The following EGF variants were observed in gnomAD, a reference collection of about 807,000 sequenced individuals.
EGF encodes the protein pro-epidermal growth factor.
In EGF, 95 loss-of-function variants were observed where a neutral mutation model predicts 143.8. The observed-to-expected ratio is 0.66, with a 90% CI of 0.56 to 0.78. The LOEUF (loss-of-function observed/expected upper bound fraction) is 0.78. Among genes scored for constraint, EGF ranks in the 30% least tolerant of loss-of-function variants. EGF has a pLI of 0.00. For synonymous variants in EGF, 510 were observed against 510.5 expected (o/e 1.00, Z 0.01); for missense variants, 1,320 against 1,470.9 (o/e 0.90, Z 1.68).
chr4:109,916,747 G>GT (rs3831508), intron 1 of EGF, among the ~76,000 whole-genome samples: 82,938 of 151,840 alleles, frequency 0.55, 25,517 homozygotes, highest in African/African-American at 0.83. Flanking sequence ...TTCTATTAAT[G>GT]TTTTGTTGTT....
At chr4:109,926,456 G>T (rs960556356) in intron 1 of EGF, among the ~76,000 whole-genome samples, 1 of 149,282 alleles carries the variant, frequency 6.7e-6, no homozygotes, top group Admixed American at 6.8e-5. Context: ...TCGGGTTCAC[G>T]CCATTCTCCT....
At chr4:109,932,251 C>T (rs1579491339) in intron 1 of EGF, among the ~76,000 whole-genome samples, 1 of 148,668 alleles carries the variant, frequency 6.7e-6, no homozygotes, top group East Asian at 2.0e-4. Flanking sequence ...TTTTGAGTGC[C>T]TATTATGTAC....
At chr4:109,983,204 T>A (rs562209891) in intron 15 of EGF, among the ~76,000 whole-genome samples, 2 of 152,190 alleles carry the variant, frequency 1.3e-5, no homozygotes, top group South Asian at 2.1e-4. Flanking sequence ...TGGTTCCTTA[T>A]CCCCCGAATC....
At chr4:109,926,170 T>C (rs1560633103) in intron 1 of EGF, among the ~76,000 whole-genome samples, 1 of 152,038 alleles carries the variant, frequency 6.6e-6, no homozygotes, top group Non-Finnish European at 1.5e-5. Flanking sequence ...CTAGGCAACA[T>C]AGGAGACCCT....
chr4:110,002,153 G>A (rs1752648163), intron 21 of EGF: 2 of 595,148 alleles, frequency 3.4e-6, no homozygotes, highest in South Asian at 7.5e-5. Flanking sequence ...TGCCTGTCTT[G>A]TCTAGCTTGT....
At chr4:109,925,892 A>G (rs997726955) in intron 1 of EGF, among the ~76,000 whole-genome samples, 4 of 152,256 alleles carry the variant, frequency 2.6e-5, no homozygotes, top group Admixed American at 2.0e-4. Context: ...CACAGCCTTC[A>G]CAGCAAGACG....
At chr4:109,992,243 G>A (rs1396187736) in intron 18 of EGF, 3 of 143,288 alleles carry the variant, frequency 2.1e-5, no homozygotes, top group Admixed American at 1.4e-4. Flanking sequence ...AAAACAACAC[G>A]TGCATGGGCA....
chr4:109,969,222 G>C (rs1747174832), intron 11 of EGF, 103 bp downstream of exon 11: 2 of 1,529,938 alleles, frequency 1.3e-6, no homozygotes, highest in Non-Finnish European at 1.8e-6. Context: ...AATGTTGCTG[G>C]GCATTTGGTT....
intron 5 of EGF, among the ~76,000 whole-genome samples, chr4:109,947,099 A>T (rs911249451): frequency 9.2e-5 from 14 of 152,078 alleles, no homozygotes; most frequent in African/African-American, 3.4e-4. Context: ...AGACTGGGTG[A>T]CAGATTGAGA....
At position 109,959,298 on chromosome 4, in the gene EGF, A is replaced by G. The variant is rs1386816289; in HGVS notation, c.941-14A>G. The G allele has an allele frequency of 1.9e-6, 3 of 1,613,722 alleles. No individual in the cohort carries two copies. The highest frequency in any genetic ancestry group is 1.3e-5 in the African/African-American group (1 of 74,914). ...AACACGGCCCCACTCCAAATAAAGC[A>G]TCTTCTCTTTTAGAGCAGAAACTTT... On this transcript the variant is annotated splice_polypyrimidine_tract_variant and intron_variant, in intron 5 of 23. Coordinates refer to ENST00000265171, the MANE Select transcript of EGF (RefSeq NM_001963.6).
intron 20 of EGF, among the ~76,000 whole-genome samples, chr4:109,997,327 T>TACAA (rs1751945377): frequency 6.6e-6 from 1 of 152,152 alleles, no homozygotes; most frequent in Non-Finnish European, 1.5e-5. Context: ...AGCCTCCAGC[T>TACAA]GCGTAACTCC....
At chr4:109,927,806 CGTGTGT>C (rs57788647) in intron 1 of EGF, among the ~76,000 whole-genome samples, 2,536 of 136,304 alleles carry the variant, frequency 0.019, 26 homozygotes, top group South Asian at 0.04. Context: ...TGAATTTTGC[CGTGTGT>C]GTGTGTGTGT....
rs191731732 is a variant in EGF at position 109,922,086 on chromosome 4, A to C, written c.127+8624A>C. Among the ~76,000 whole-genome samples the C allele has an allele frequency of 6.9e-4, 105 of 151,622 alleles. 3 individuals are homozygous for C. The highest frequency in any genetic ancestry group is 2.4e-3 in the African/African-American group (100 of 40,898). On this transcript the variant is annotated intron_variant, in intron 1 of 23. Coordinates refer to ENST00000265171, the MANE Select transcript of EGF (RefSeq NM_001963.6). ...AAGATTTTCAACACAAAGGAAATTAACTTCTCCTTGGTGTGCAAGGAAATT... is the reference window on the plus strand; with the variant it reads ...AAGATTTTCAACACAAAGGAAATTACCTTCTCCTTGGTGTGCAAGGAAATT...
At chr4:109,959,635 A>G (rs1451738094) in intron 6 of EGF, among the ~76,000 whole-genome samples, 198 bp downstream of exon 6, 3 of 152,156 alleles carry the variant, frequency 2.0e-5, no homozygotes, top group Non-Finnish European at 4.4e-5. Context: ...TAAAACCTTT[A>G]TAATACTTTC....
chr4:109,968,129 T>A (rs1365222756), intron 10 of EGF, among the ~76,000 whole-genome samples: 1 of 152,182 alleles, frequency 6.6e-6, no homozygotes, highest in Non-Finnish European at 1.5e-5. Flanking sequence ...TGTCACTAGG[T>A]GATAGAAATT....
At chr4:109,988,295 A>G (rs1211892777) in intron 17 of EGF, among the ~76,000 whole-genome samples, 1 of 151,708 alleles carries the variant, frequency 6.6e-6, no homozygotes, top group Non-Finnish European at 1.5e-5. Context: ...CCTCAAAATT[A>G]TAATTTAACG....
At chr4:109,942,983 G>A (rs1323670335) in intron 2 of EGF, among the ~76,000 whole-genome samples, 3 of 152,106 alleles carry the variant, frequency 2.0e-5, no homozygotes, top group Admixed American at 6.5e-5. Flanking sequence ...CATTATGGTT[G>A]GCTTCCTAAT....
At chr4:109,990,019 T>G (rs1005058696) in intron 18 of EGF, among the ~76,000 whole-genome samples, 1 of 152,204 alleles carries the variant, frequency 6.6e-6, no homozygotes, top group African/African-American at 2.4e-5. Flanking sequence ...ATCCTTATTA[T>G]TATTAAGAGT....
At chr4:109,999,469 C>T (rs1752261682) in intron 20 of EGF, among the ~76,000 whole-genome samples, 1 of 152,148 alleles carries the variant, frequency 6.6e-6, no homozygotes, top group Admixed American at 6.5e-5. Flanking sequence ...CCCATAAATC[C>T]CAGAGCAAAC....
Sources: allele counts gnomAD v4.1 joint callset (sites outside exome capture counted in the v4.1 genomes callset), GRCh38; gene constraint gnomAD v4.1.1; transcripts MANE v1.5; gene names NCBI Gene and HGNC (gene_info 2026-07-23, HGNC 2026-07-21).